LUZP2: variants seen among roughly 807,000 people sequenced by gnomAD.
LUZP2 encodes the protein leucine zipper protein 2.
In LUZP2, 52 loss-of-function variants were observed where a neutral mutation model predicts 51.6. The ratio of observed to expected loss-of-function variants is 1.01; its 90% CI spans 0.81 to 1.27. The LOEUF (loss-of-function observed/expected upper bound fraction) is 1.27, where lower values mean the gene tolerates loss of function less well. Ranked by LOEUF, LUZP2 falls within the 50% of genes most tolerant of loss-of-function variation. The pLI, the probability that LUZP2 is intolerant of heterozygous loss-of-function variation, is 0.00. For missense variants in LUZP2, 436 were observed against 395.4 expected (o/e 1.10, Z -0.87); for synonymous variants, 154 against 137.3 (o/e 1.12, Z -0.85).
In LUZP2 at chr11:24,545,555, C is replaced by CTTTTTTT. The variant is rs3992984; in HGVS notation, c.62+48261_62+48267dup. On this transcript the variant is annotated intron_variant, in intron 1 of 11. Coordinates refer to ENST00000336930, the MANE Select transcript of LUZP2 (RefSeq NM_001009909.4). ...TGGGGAGTCCTTTCATTGTTGCTTG[C>CTTTTTTT]TTTTTTTTTTTTTTTTTGACAGCTT... 5.0e-5 allele frequency among the ~76,000 whole-genome samples: 6 copies of CTTTTTTT among 120,784 alleles called. 1 individual carries two copies. Among genetic ancestry groups the CTTTTTTT allele is most frequent in the Admixed American group, 2.8e-4 (3 of 10,690 alleles). The allele number at this position is 120,784 out of a possible 152,430, so 79.2% of individuals were successfully genotyped here.
intron 5 of LUZP2, among the ~76,000 whole-genome samples, chr11:24,821,359 A>G (rs1850350619): frequency 6.6e-6 from 1 of 152,188 alleles, no homozygotes; most frequent in Non-Finnish European, 1.5e-5. Flanking sequence ...ATGAGTAAGT[A>G]CATTCCGTTC....
intron 7 of LUZP2, among the ~76,000 whole-genome samples, chr11:24,938,143 C>T (rs950236224): frequency 6.6e-6 from 1 of 151,974 alleles, no homozygotes; most frequent in Non-Finnish European, 1.5e-5. Flanking sequence ...TGAGAAAACA[C>T]AGGTTCTAAG....
intron 1 of LUZP2, among the ~76,000 whole-genome samples, chr11:24,601,399 A>AT (rs1367400993): frequency 6.6e-6 from 1 of 151,952 alleles, no homozygotes; most frequent in African/African-American, 2.4e-5. Flanking sequence ...GGAGTTAACA[A>AT]TTTTTTTAGG....
At chr11:24,955,153 TA>T (rs1270073958) in intron 7 of LUZP2, among the ~76,000 whole-genome samples, 1 of 152,062 alleles carries the variant, frequency 6.6e-6, no homozygotes, top group Non-Finnish European at 1.5e-5. Context: ...AACGCCCGTA[TA>T]ATTTTGTTGT....
rs372766860 is a variant in LUZP2, at chr11:24,497,243, C to A, written c.-1C>A. 3 of 1,551,002 alleles carry A rather than the reference C, an allele frequency of 1.9e-6. No homozygotes were observed. Among genetic ancestry groups the A allele is most frequent in the African/African-American group, 2.8e-5 (2 of 71,224 alleles). ...GAAGGAGGACCCCGGCAGGCAGCAG[C>A]ATGAAATTCAGCCCAGCGCACTACC... On this transcript the variant is annotated 5_prime_UTR_variant, in exon 1 of 12. Coordinates refer to ENST00000336930, the MANE Select transcript of LUZP2 (RefSeq NM_001009909.4).
intron 9 of LUZP2, among the ~76,000 whole-genome samples, chr11:25,026,912 T>C (rs1258694450): frequency 1.3e-5 from 2 of 151,274 alleles, no homozygotes; most frequent in Non-Finnish European, 2.9e-5. Flanking sequence ...ATTATTATAC[T>C]TTAAGTTTTA....
intron 9 of LUZP2, among the ~76,000 whole-genome samples, chr11:25,026,207 G>A (rs911548734): frequency 2.6e-5 from 4 of 151,574 alleles, no homozygotes; most frequent in Non-Finnish European, 5.9e-5. Context: ...TGAGTTAATG[G>A]GTGCAGCACA....
At chr11:24,619,693 T>C (rs190543218) in intron 1 of LUZP2, among the ~76,000 whole-genome samples, 2 of 152,308 alleles carry the variant, frequency 1.3e-5, no homozygotes, top group Admixed American at 6.5e-5. Context: ...TAAAATCCTA[T>C]AGTATTTGCA....
chr11:24,985,742 G>A lies in LUZP2; in HGVS notation c.765+2449G>A, dbSNP rs376567203. On this transcript the variant is annotated intron_variant, in intron 9 of 11. Coordinates refer to ENST00000336930, the MANE Select transcript of LUZP2 (RefSeq NM_001009909.4). The stretch of plus-strand genomic sequence containing the variant: ...AGCCAAACTGGTTTGTTTCTAACCT[G>A]CTATGTTTTGGGTTTCTGTCATAAA... Among the ~76,000 whole-genome samples the A allele has an allele frequency of 2.6e-5, 4 of 151,670 alleles. No homozygotes were observed. The East Asian group carries it at 7.8e-4, about 29-fold the overall frequency.
chr11:24,765,101 A>G (rs1860131708), intron 5 of LUZP2, among the ~76,000 whole-genome samples: 1 of 152,188 alleles, frequency 6.6e-6, no homozygotes, highest in Non-Finnish European at 1.5e-5. Flanking sequence ...AACGGTGAAC[A>G]TATATTAGCA....
At chr11:25,068,425 G>A (rs1429303900) in intron 10 of LUZP2, among the ~76,000 whole-genome samples, 1 of 151,882 alleles carries the variant, frequency 6.6e-6, no homozygotes, top group African/African-American at 2.4e-5. Context: ...AAATATTTGA[G>A]TATTAAAACC....
chr11:24,803,955 G>A (rs1160486496), intron 5 of LUZP2, among the ~76,000 whole-genome samples: 1 of 138,240 alleles, frequency 7.2e-6, no homozygotes, highest in African/African-American at 2.7e-5. Flanking sequence ...TTAGAATAAA[G>A]CAGTGAGACA....
Position 24,547,742 on chromosome 11 carries a change from G to T in LUZP2, c.62+50437G>T, listed in dbSNP as rs183075011. Among the ~76,000 whole-genome samples, 3 of 152,158 alleles carry T rather than the reference G, an allele frequency of 2.0e-5. No homozygotes were observed. The East Asian group carries it at 5.8e-4, about 29-fold the overall frequency. ...AAGTGCGGCCTAATTAAAGACCACTGCACAGCAAAAGAAACTATCAACAGA... is the reference window on the plus strand; with the variant it reads ...AAGTGCGGCCTAATTAAAGACCACTTCACAGCAAAAGAAACTATCAACAGA... On this transcript the variant is annotated intron_variant, in intron 1 of 11. Coordinates refer to ENST00000336930, the MANE Select transcript of LUZP2 (RefSeq NM_001009909.4).
At chr11:24,717,008 T>A (rs1858072949) in intron 1 of LUZP2, among the ~76,000 whole-genome samples, 1 of 152,152 alleles carries the variant, frequency 6.6e-6, no homozygotes, top group East Asian at 1.9e-4. Context: ...TTTTAAAAAA[T>A]AAAACTAATG....
intron 1 of LUZP2, among the ~76,000 whole-genome samples, chr11:24,681,230 C>T (rs1856727558): frequency 6.6e-6 from 1 of 152,148 alleles, no homozygotes; most frequent in Admixed American, 6.5e-5. Flanking sequence ...ATCCACCCGC[C>T]TCGGCCTCCC....
chr11:24,772,827 A>AT (rs1206029206), intron 5 of LUZP2, among the ~76,000 whole-genome samples: 1 of 152,148 alleles, frequency 6.6e-6, no homozygotes, highest in East Asian at 1.9e-4. Flanking sequence ...CAGTATTCGT[A>AT]TGCCTCTATG....
At chr11:24,546,845 T>C (rs1851560422) in intron 1 of LUZP2, among the ~76,000 whole-genome samples, 1 of 152,100 alleles carries the variant, frequency 6.6e-6, no homozygotes, top group African/African-American at 2.4e-5. Context: ...TCAGTAGGAA[T>C]GGTACCAGCT....
At chr11:24,637,998 T>C (rs1259847758) in intron 1 of LUZP2, among the ~76,000 whole-genome samples, 1 of 151,764 alleles carries the variant, frequency 6.6e-6, no homozygotes, top group Non-Finnish European at 1.5e-5. Context: ...TGATGACACC[T>C]CCGAAGTCCC....
At chr11:24,658,800 GCAAA>G (rs1280439784) in intron 1 of LUZP2, among the ~76,000 whole-genome samples, 1 of 152,162 alleles carries the variant, frequency 6.6e-6, no homozygotes, top group African/African-American at 2.4e-5. Context: ...CATTTATGCA[GCAAA>G]CAGACACATG....
Sources: gnomAD v4.1 joint callset for allele counts (sites outside exome capture counted in the v4.1 genomes callset) on GRCh38, gnomAD v4.1.1 for gene constraint, MANE v1.5 for transcripts, NCBI Gene and HGNC (gene_info 2026-07-23, HGNC 2026-07-21) for gene names.